Variants in PTPRD observed in about 807,000 individuals in gnomAD.
PTPRD encodes the protein receptor-type tyrosine-protein phosphatase delta.
A neutral mutation model predicts 214.5 loss-of-function variants in PTPRD; 34 were observed. The observed-to-expected ratio is 0.16, with a 90% CI of 0.12 to 0.21. The LOEUF (loss-of-function observed/expected upper bound fraction) is 0.21. Ranked by LOEUF, PTPRD falls within the 10% of genes least tolerant of loss-of-function variation. The pLI is 1.00. For synonymous variants in PTPRD, 1,128 were observed against 845.7 expected (o/e 1.33, Z -5.79); for missense variants, 2,545 against 2,398.7 (o/e 1.06, Z -1.27).
At chr9:9,946,573 A>G (rs1223625578) in intron 4 of PTPRD, among the ~76,000 whole-genome samples, 1 of 152,110 alleles carries the variant, frequency 6.6e-6, no homozygotes, top group Non-Finnish European at 1.5e-5. Flanking sequence ...TTACCGAGGC[A>G]CACTCTTTTT....
In PTPRD at chr9:8,719,590, C is replaced by T. The variant is rs999390397; in HGVS notation, c.64+14190G>A. Among the ~76,000 whole-genome samples, 45 of 152,128 alleles carry T rather than the reference C, an allele frequency of 3.0e-4. 1 individual carries two copies. The highest frequency in any genetic ancestry group is 9.2e-4 in the African/African-American group (38 of 41,428). On this transcript the variant is annotated intron_variant, in intron 12 of 45. Coordinates refer to ENST00000381196, the MANE Select transcript of PTPRD (RefSeq NM_002839.4). ...CTCTTGAACAATCTGGCCCACTGCA[C>T]GTATTTTTAAATAAAGTTTTATTGG...
intron 39 of PTPRD, 126 bp downstream of exon 39, chr9:8,375,810 C>CA: frequency 8.5e-7 from 1 of 1,173,016 alleles, no homozygotes. Flanking sequence ...CTCATTTGAC[C>CA]AAAAGAGAGC....
At chr9:9,259,089 C>T (rs530484207) in intron 9 of PTPRD, among the ~76,000 whole-genome samples, 1 of 151,632 alleles carries the variant, frequency 6.6e-6, no homozygotes, top group African/African-American at 2.4e-5. Flanking sequence ...CTCCTCTTAC[C>T]CATTCCCAAG....
intron 7 of PTPRD, among the ~76,000 whole-genome samples, chr9:9,613,405 T>G (rs920422604): frequency 2.6e-5 from 4 of 151,906 alleles, no homozygotes; most frequent in Admixed American, 2.6e-4. Context: ...GCCTTCACGA[T>G]CATTGTCCCT....
chr9:8,345,853 G>C (rs1857095316), intron 39 of PTPRD, among the ~76,000 whole-genome samples: 1 of 151,936 alleles, frequency 6.6e-6, no homozygotes, highest in Admixed American at 6.6e-5. Flanking sequence ...TTCTCTACCT[G>C]CCTCTCTGGA....
At chr9:10,502,337 C>A (rs1177904787) in intron 2 of PTPRD, among the ~76,000 whole-genome samples, 4 of 151,424 alleles carry the variant, frequency 2.6e-5, no homozygotes, top group Non-Finnish European at 4.4e-5. Context: ...TTTGATAAAT[C>A]CAAATTTAAG....
intron 12 of PTPRD, among the ~76,000 whole-genome samples, chr9:8,685,943 G>C (rs535850111): frequency 6.6e-6 from 1 of 152,290 alleles, no homozygotes; most frequent in African/African-American, 2.4e-5. Flanking sequence ...TGAAATTCTA[G>C]TTTCAGCTGC....
chr9:9,664,142 G>C (rs78971895), intron 7 of PTPRD, among the ~76,000 whole-genome samples: 1 of 146,588 alleles, frequency 6.8e-6, no homozygotes, highest in African/African-American at 2.5e-5. Flanking sequence ...AGAGCTATGA[G>C]TTACACGTAA....
At chr9:9,437,737 T>G (rs911105854) in intron 8 of PTPRD, among the ~76,000 whole-genome samples, 2 of 152,190 alleles carry the variant, frequency 1.3e-5, no homozygotes, top group Non-Finnish European at 2.9e-5. Flanking sequence ...GCAGTGTGAT[T>G]TGACACGGGA....
At chr9:9,831,380 T>A (rs1045757302) in intron 5 of PTPRD, among the ~76,000 whole-genome samples, 5 of 151,980 alleles carry the variant, frequency 3.3e-5, no homozygotes, top group Non-Finnish European at 7.4e-5. Context: ...TAATGTCAGC[T>A]GAATTCACAA....
chr9:9,699,148 T>C (rs1029676400), intron 7 of PTPRD, among the ~76,000 whole-genome samples: 4 of 152,198 alleles, frequency 2.6e-5, no homozygotes, highest in African/African-American at 9.7e-5. Flanking sequence ...CTATTTTCGT[T>C]GTGGTTATCA....
At chr9:10,296,781 A>C (rs760384612) in intron 3 of PTPRD, among the ~76,000 whole-genome samples, 1 of 152,070 alleles carries the variant, frequency 6.6e-6, no homozygotes, top group African/African-American at 2.4e-5. Context: ...AATTCCAGGC[A>C]TGGTTTTCAC....
At position 9,992,482 on chromosome 9, in the gene PTPRD, T is replaced by C. The variant is rs147522370; in HGVS notation, c.-472+41236A>G. Among the ~76,000 whole-genome samples the C allele has an allele frequency of 7.5e-4, 114 of 152,310 alleles. 1 individual carries two copies. In the East Asian group the frequency reaches 0.021, roughly 28 times the overall value. The stretch of plus-strand genomic sequence containing the variant: ...CTCAGAGGATTATAAATCATGCTGC[T>C]ATAAAGACACATGCACATGTATGTT... On this transcript the variant is annotated intron_variant, in intron 4 of 45. Transcript: ENST00000381196.
chr9:9,228,331 AT>A (rs1390767621), intron 9 of PTPRD, among the ~76,000 whole-genome samples: 1 of 152,096 alleles, frequency 6.6e-6, no homozygotes, highest in Non-Finnish European at 1.5e-5. Flanking sequence ...TGTTGAAAAA[AT>A]TTAAACTCAT....
At chr9:9,949,426 C>T (rs1442867764) in intron 4 of PTPRD, among the ~76,000 whole-genome samples, 1 of 152,020 alleles carries the variant, frequency 6.6e-6, no homozygotes, top group Non-Finnish European at 1.5e-5. Flanking sequence ...TTGATTTTTA[C>T]CAATAAGCAA....
At chr9:10,579,604 C>T (rs1040095000) in intron 2 of PTPRD, among the ~76,000 whole-genome samples, 2 of 151,968 alleles carry the variant, frequency 1.3e-5, no homozygotes, top group Non-Finnish European at 2.9e-5. Flanking sequence ...TTTGGTAGAA[C>T]GTTTTATTTT....
intron 7 of PTPRD, among the ~76,000 whole-genome samples, chr9:9,587,526 C>T (rs1307572189): frequency 6.7e-6 from 1 of 150,346 alleles, no homozygotes; most frequent in African/African-American, 2.4e-5. Flanking sequence ...TAACTGATTC[C>T]CAATGGCAGC....
intron 7 of PTPRD, among the ~76,000 whole-genome samples, chr9:9,618,942 C>T (rs1362294046): frequency 6.6e-6 from 1 of 151,686 alleles, no homozygotes; most frequent in Non-Finnish European, 1.5e-5. Context: ...AATAAATGTC[C>T]CAAGACATAG....
intron 11 of PTPRD, among the ~76,000 whole-genome samples, chr9:8,955,574 C>G (rs1424372065): frequency 6.6e-6 from 1 of 151,846 alleles, no homozygotes; most frequent in Non-Finnish European, 1.5e-5. Context: ...TTGAGCCTTT[C>G]ACAGAATGAG....
Sources: allele counts gnomAD v4.1 joint callset (sites outside exome capture counted in the v4.1 genomes callset), GRCh38; gene constraint gnomAD v4.1.1; transcripts MANE v1.5; gene names NCBI Gene and HGNC (gene_info 2026-07-23, HGNC 2026-07-21).